RGR: variants seen among roughly 807,000 people sequenced by gnomAD.
RGR encodes RPE-retinal G protein-coupled receptor.
In RGR, 30 loss-of-function variants were observed where a neutral mutation model predicts 28.6. The ratio of observed to expected loss-of-function variants is 1.05; its 90% CI spans 0.78 to 1.42. The LOEUF (loss-of-function observed/expected upper bound fraction) is 1.42. Ranked by LOEUF, RGR falls within the 40% of genes most tolerant of loss-of-function variation. The pLI is 0.00. For synonymous variants in RGR, 180 were observed against 156.4 expected (o/e 1.15, Z -1.13); for missense variants, 404 against 375.6 (o/e 1.08, Z -0.62).
Position 84,254,459 on chromosome 10 carries a change from C to T in RGR, c.630+16C>T, listed in dbSNP as rs74145779. ...CCATCTCCAGGTAAGGACCCCCTTC[C>T]GGAGTGTTATCTGATGGTGCAGCGC... On this transcript the variant is annotated intron_variant, in intron 5 of 6. Transcript: ENST00000652092. 95,917 of 1,601,318 alleles carry T rather than the reference C, an allele frequency of 0.06. 3,132 individuals are homozygous for T. Among genetic ancestry groups the T allele is most frequent in the Middle Eastern group, 0.087 (528 of 6,046 alleles).
intron 3 of RGR, among the ~76,000 whole-genome samples, chr10:84,250,035 T>C (rs867144987): frequency 2.6e-5 from 4 of 152,206 alleles, no homozygotes; most frequent in Non-Finnish European, 4.4e-5. Flanking sequence ...TAGAACCCTG[T>C]TTACCACCAG....
chr10:84,248,592 A>C (rs1589330251), intron 2 of RGR: 1 of 433,764 alleles, frequency 2.3e-6, no homozygotes, highest in African/African-American at 2.0e-5. Flanking sequence ...CCTTGGCTTC[A>C]GTATCTTTGC....
Position 84,258,801 on chromosome 10 carries a change from G to A in RGR, c.*162G>A. 9.7e-7 allele frequency: 1 copy of A among 1,029,958 alleles called. No homozygotes were observed. Among genetic ancestry groups the A allele is most frequent in the South Asian group, 1.4e-5 (1 of 71,690 alleles). The allele number at this position is 1,029,958 out of a possible 1,614,324, so 63.8% of individuals were successfully genotyped here. A position where few individuals can be genotyped will look rare whatever the true frequency, so the allele number is the denominator to read the frequency against. On this transcript the variant is annotated 3_prime_UTR_variant, in exon 7 of 7. Transcript: ENST00000652092. ...ATTCAGAAAGACACCAGGCTGCACA[G>A]AAAGAGCCAGATGGACCTGAGTGTC...
At chr10:84,251,174 G>A (rs1027971383) in intron 3 of RGR, among the ~76,000 whole-genome samples, 2 of 152,140 alleles carry the variant, frequency 1.3e-5, no homozygotes, top group Non-Finnish European at 2.9e-5. Context: ...GGTGGAAGTT[G>A]CAGTGAGCCG....
At chr10:84,250,517 TACACACACAC>T (rs34459757) in intron 3 of RGR, 3,111 of 604,746 alleles carry the variant, frequency 5.1e-3, no homozygotes, top group South Asian at 8.3e-3. Context: ...GACCATCTTA[TACACACACAC>T]ACACACACAC....
chr10:84,253,047 T>G, intron 4 of RGR, 37 bp downstream of exon 4: 2 of 1,605,446 alleles, frequency 1.2e-6, no homozygotes, highest in Non-Finnish European at 1.7e-6. Context: ...CTCCTATCCA[T>G]GGGAATCTTG....
At chr10:84,248,603 C>T in intron 2 of RGR, 1 of 464,002 alleles carries the variant, frequency 2.2e-6, no homozygotes, top group Non-Finnish European at 3.9e-6. Flanking sequence ...GTATCTTTGC[C>T]TCTTTGAATG....
chr10:84,252,821 C>T (rs778420416), intron 3 of RGR, 36 bp from the exon 4 acceptor site: 12 of 1,613,716 alleles, frequency 7.4e-6, no homozygotes, highest in Admixed American at 1.7e-5. Flanking sequence ...GCCATCTCCT[C>T]CTCACAACCT....
intron 4 of RGR, 77 bp downstream of exon 4, chr10:84,253,087 A>C: frequency 6.6e-7 from 1 of 1,514,984 alleles, no homozygotes; most frequent in Admixed American, 1.9e-5. Flanking sequence ...AGGGTGCCCC[A>C]GCTGAAAATC....
chr10:84,254,995 C>T, intron 5 of RGR: 1 of 165,872 alleles, frequency 6.0e-6, no homozygotes, highest in East Asian at 1.7e-4. Flanking sequence ...GTTTTGGTTG[C>T]TCAACTTCTG....
intron 2 of RGR, chr10:84,248,697 C>G: frequency 1.5e-6 from 1 of 674,082 alleles, no homozygotes; most frequent in Non-Finnish European, 2.6e-6. Flanking sequence ...TATGGCCCAA[C>G]CATGGTGCAG....
chr10:84,250,573 A>C, intron 3 of RGR: 1 of 665,864 alleles, frequency 1.5e-6, no homozygotes, highest in Non-Finnish European at 2.8e-6. Flanking sequence ...TCAGATAGCA[A>C]CAGGCTTCTC....
chr10:84,252,123 G>C (rs1842825793), intron 3 of RGR, among the ~76,000 whole-genome samples: 1 of 152,198 alleles, frequency 6.6e-6, no homozygotes, highest in Non-Finnish European at 1.5e-5. Context: ...AGCAGAGAGG[G>C]GGGCTTCAGG....
intron 3 of RGR, 51 bp downstream of exon 3, chr10:84,249,094 G>T: frequency 1.2e-6 from 2 of 1,607,534 alleles, no homozygotes; most frequent in Non-Finnish European, 1.7e-6. Flanking sequence ...GTGTGGAGAG[G>T]ATAAGAGGCA....
Position 84,257,995 on chromosome 10 carries a change from A to G in RGR, c.733A>G (p.Lys245Glu). ...VIADVTSISP[K>E]LQMVPALIAK... is the part of the protein sequence containing the mutation. ...CGCAGACGTGACTTCCATCTCCCCC[A>G]AACTGCAGATGGTACAGATACTTCT... is the stretch of plus-strand genomic sequence containing the variant. Residue 245 changes from lysine to glutamate, a missense_variant, in exon 6 of 7, where the codon AAA (lysine) becomes GAA (glutamate). Physicochemically the swap from Lys to Glu is moderately conservative, Grantham distance 56. Transcript: ENST00000652092. 1 of 1,613,798 alleles carries G rather than the reference A, an allele frequency of 6.2e-7. No individual in the cohort carries two copies. Among genetic ancestry groups the G allele is most frequent in the Non-Finnish European group, 8.5e-7 (1 of 1,179,794 alleles).
chr10:84,245,103 A>G lies in RGR; in HGVS notation c.13A>G (p.Ser5Gly), dbSNP rs1459351036. 6.2e-7 allele frequency: 1 copy of G among 1,613,628 alleles called. No homozygotes were observed. Among genetic ancestry groups the G allele is most frequent in the Non-Finnish European group, 8.5e-7 (1 of 1,179,876 alleles). The stretch of plus-strand genomic sequence containing the variant: ...AGGGAGAGTGAGGATGGCAGAGACC[A>G]GTGCCCTGCCCACTGGCTTCGGGGA... MAETSALPTGFGELE... is the reference protein window; with the variant it reads MAETGALPTGFGELE... Residue 5 changes from serine to glycine, a missense_variant, in exon 1 of 7, where the codon AGT becomes GGT. By Grantham distance (56) the Ser-to-Gly change is moderately conservative. Coordinates refer to ENST00000652092, the MANE Select transcript of RGR (RefSeq NM_001012720.2).
chr10:84,252,079 G>A (rs1842825059), intron 3 of RGR, among the ~76,000 whole-genome samples: 1 of 152,218 alleles, frequency 6.6e-6, no homozygotes, highest in Admixed American at 6.5e-5. Flanking sequence ...GATCCAGGAG[G>A]AACCACTGAA....
At chr10:84,248,145 C>T in intron 2 of RGR, 2 of 907,892 alleles carry the variant, frequency 2.2e-6, no homozygotes, top group South Asian at 1.6e-5. Context: ...ATGCTTGATA[C>T]CTAGGACTCT....
At chr10:84,250,256 C>A in intron 3 of RGR, 1 of 687,306 alleles carries the variant, frequency 1.5e-6, no homozygotes, top group South Asian at 1.6e-5. Context: ...ATAGCCAGCA[C>A]AGCCTCAAAC....
Sources: allele counts gnomAD v4.1 joint callset (sites outside exome capture counted in the v4.1 genomes callset), GRCh38; gene constraint gnomAD v4.1.1; transcripts MANE v1.5; gene names NCBI Gene and HGNC (gene_info 2026-07-23, HGNC 2026-07-21).